The following NRG1 variants were observed in gnomAD, a reference collection of about 807,000 sequenced individuals.
NRG1 encodes pro-neuregulin-1, membrane-bound isoform.
NRG1 carries 18 observed loss-of-function variants against 63.8 expected under a neutral mutation model. The observed-to-expected ratio is 0.28, with a 90% confidence interval of 0.19 to 0.42. The LOEUF is 0.42. NRG1 is among the 10% of genes least tolerant of loss of function. The pLI is 1.00. For synonymous variants in NRG1, 302 were observed against 301.3 expected, an observed-to-expected ratio of 1.00 and a Z score of -0.02; for missense variants, 762 against 814.7, an observed-to-expected ratio of 0.94 and a Z score of 0.79.
chr8:32,749,959 A>G (rs1828355919), intron 7 of NRG1: 1 of 212,058 alleles, frequency 4.7e-6, no homozygotes, highest in South Asian at 1.1e-4. Context: ...AGACCTGAGA[A>G]CAAAGGCTTT....
At chr8:32,426,981 A>G (rs1587584006) in intron 1 of NRG1, among the ~76,000 whole-genome samples, 2 of 150,202 alleles carry the variant, frequency 1.3e-5, no homozygotes, top group South Asian at 4.2e-4. Context: ...TTATTTATCC[A>G]CTTGTCCTTT....
At chr8:31,966,325 T>C (rs1298072407) in intron 1 of NRG1, among the ~76,000 whole-genome samples, 1 of 152,246 alleles carries the variant, frequency 6.6e-6, no homozygotes, top group Non-Finnish European at 1.5e-5. Context: ...CTAGACTTGC[T>C]TTTGCATTCT....
At chr8:32,318,100 G>T (rs1330913178) in intron 1 of NRG1, among the ~76,000 whole-genome samples, 1 of 152,122 alleles carries the variant, frequency 6.6e-6, no homozygotes, top group Non-Finnish European at 1.5e-5. Flanking sequence ...CACAAGGTTT[G>T]GTATTTTGAA....
At chr8:32,482,229 A>G (rs1825380681) in intron 1 of NRG1, among the ~76,000 whole-genome samples, 1 of 152,122 alleles carries the variant, frequency 6.6e-6, no homozygotes, top group African/African-American at 2.4e-5. Flanking sequence ...AAAATTCCTG[A>G]TTTGTTAAAA....
intron 1 of NRG1, among the ~76,000 whole-genome samples, chr8:31,950,439 T>A (rs555282237): frequency 6.6e-6 from 1 of 152,324 alleles, no homozygotes; most frequent in East Asian, 1.9e-4. Context: ...CTAGATTAAG[T>A]TGACAAAGAA....
At chr8:32,685,844 A>G (rs1376959279) in intron 5 of NRG1, among the ~76,000 whole-genome samples, 1 of 152,246 alleles carries the variant, frequency 6.6e-6, no homozygotes, top group Non-Finnish European at 1.5e-5. Flanking sequence ...GAATGATCCC[A>G]CAGAAATGGA....
intron 1 of NRG1, among the ~76,000 whole-genome samples, chr8:31,893,042 GA>G (rs528711471): frequency 6.6e-6 from 1 of 151,468 alleles, no homozygotes; most frequent in South Asian, 2.1e-4. Context: ...GAATATGGGG[GA>G]AAAAACCCTA....
intron 1 of NRG1, among the ~76,000 whole-genome samples, chr8:31,733,102 G>A (rs1814269748): frequency 6.6e-6 from 1 of 151,020 alleles, no homozygotes; most frequent in African/African-American, 2.4e-5. Flanking sequence ...TAAGACAATG[G>A]CCTCCAGTTT....
chr8:31,963,179 T>C (rs1805753234), intron 1 of NRG1, among the ~76,000 whole-genome samples: 2 of 152,196 alleles, frequency 1.3e-5, no homozygotes, highest in South Asian at 4.1e-4. Context: ...GATCATAGGC[T>C]GTAACTAGTA....
chr8:32,618,541 G>C (rs1276315128), intron 5 of NRG1, among the ~76,000 whole-genome samples: 1 of 152,116 alleles, frequency 6.6e-6, no homozygotes, highest in African/African-American at 2.4e-5. Context: ...ATTAGTTTTT[G>C]ATATTTGGCA....
intron 1 of NRG1, among the ~76,000 whole-genome samples, chr8:32,049,230 A>G (rs1320469691): frequency 1.3e-5 from 2 of 152,144 alleles, no homozygotes; most frequent in Non-Finnish European, 2.9e-5. Flanking sequence ...GACTCTGCAG[A>G]GCTTGGTATC....
chr8:32,435,497 G>A lies in NRG1; in HGVS notation c.38-160331G>A, dbSNP rs1818677019. On this transcript the variant is annotated intron_variant, in intron 1 of 10. Transcript: ENST00000519301. The stretch of plus-strand genomic sequence containing the variant: ...TGTTGGCTAGCAGAGTTAGAGAATA[G>A]AATTTTGCATAATCCAAGTATTTCA... 3.9e-5 allele frequency among the ~76,000 whole-genome samples: 6 copies of A among 152,280 alleles called. No individual in the cohort carries two copies. The South Asian group carries it at 1.2e-3, about 32-fold the overall frequency.
intron 5 of NRG1, among the ~76,000 whole-genome samples, chr8:32,696,746 C>T (rs1397216786): frequency 1.3e-5 from 2 of 151,130 alleles, no homozygotes; most frequent in Admixed American, 1.3e-4. Context: ...ACTACAACCT[C>T]CGCCTCCCAG....
intron 1 of NRG1, among the ~76,000 whole-genome samples, chr8:32,427,718 A>C (rs1047998441): frequency 2.6e-5 from 4 of 152,218 alleles, no homozygotes; most frequent in Non-Finnish European, 4.4e-5. Context: ...AATTACATTT[A>C]TCAAATGATT....
intron 1 of NRG1, among the ~76,000 whole-genome samples, chr8:31,685,954 A>G (rs1808842805): frequency 6.6e-6 from 1 of 152,174 alleles, no homozygotes; most frequent in Admixed American, 6.5e-5. Context: ...GGTACTATGA[A>G]CATTCATATA....
At chr8:32,298,052 A>G (rs1329538685) in intron 1 of NRG1, among the ~76,000 whole-genome samples, 1 of 152,290 alleles carries the variant, frequency 6.6e-6, no homozygotes, top group Non-Finnish European at 1.5e-5. Flanking sequence ...TATGCAATGC[A>G]TATGCAATAG....
intron 1 of NRG1, among the ~76,000 whole-genome samples, chr8:31,664,685 G>A (rs193287140): frequency 6.6e-6 from 1 of 152,312 alleles, no homozygotes; most frequent in East Asian, 1.9e-4. Context: ...AAGGAGGATG[G>A]AACGGTGTGT....
chr8:31,757,194 CCCTCTTATACTACTCTTTACCAAAAGG>C (rs1319931674), intron 1 of NRG1, among the ~76,000 whole-genome samples: 5 of 151,978 alleles, frequency 3.3e-5, no homozygotes, highest in Non-Finnish European at 7.4e-5. Flanking sequence ...CACATTTTCT[CCCTCTTATACTACTCTTTACCAAAAGG>C]TGGGTAAAGA....
chr8:32,568,609 A>T (rs1339472842), intron 1 of NRG1, among the ~76,000 whole-genome samples: 1 of 152,046 alleles, frequency 6.6e-6, no homozygotes, highest in African/African-American at 2.4e-5. Context: ...CCCTGGCCTC[A>T]CCCCAGAGCT....
Sources: gnomAD v4.1 joint callset for allele counts (sites outside exome capture counted in the v4.1 genomes callset) on GRCh38, gnomAD v4.1.1 for gene constraint, MANE v1.5 for transcripts, NCBI Gene and HGNC (gene_info 2026-07-23, HGNC 2026-07-21) for gene names.